Variants in ARHGAP8 observed in about 807,000 individuals in gnomAD.
The protein encoded by ARHGAP8 is Rho GTPase activating protein 8.
In ARHGAP8, 62 loss-of-function variants were observed where a neutral mutation model predicts 46.1. That is an observed-to-expected ratio of 1.34 (90% confidence interval 1.10 to 1.66). The LOEUF (loss-of-function observed/expected upper bound fraction) is 1.66. Among genes scored for constraint, ARHGAP8 ranks in the 40% most tolerant of loss-of-function variants. The pLI, the probability that ARHGAP8 is intolerant of heterozygous loss-of-function variation, is 0.00. For synonymous variants in ARHGAP8, 375 were observed against 243.1 expected, an observed-to-expected ratio of 1.54 and a Z score of -5.05; for missense variants, 923 against 568.4, an observed-to-expected ratio of 1.62 and a Z score of -6.34.
chr22:44,852,561 T>A (rs2070123943), intron 10 of ARHGAP8, among the ~76,000 whole-genome samples: 1 of 152,046 alleles, frequency 6.6e-6, no homozygotes, highest in Admixed American at 6.6e-5. Flanking sequence ...CCCCAGGAAG[T>A]TTTACAGTCC....
rs139249726 is a variant in ARHGAP8, at chr22:44,852,629, C to G, written c.877+3569C>G. Among the ~76,000 whole-genome samples, 68 of 152,258 alleles carry G rather than the reference C, an allele frequency of 4.5e-4. No individual in the cohort carries two copies. The East Asian group carries it at 8.7e-3, about 19-fold the overall frequency. ...ATGAATCCTTCTCTCAGTGCTGTGA[C>G]TAGGTCACTCCAGGGAAAGAGTTGT... is the stretch of plus-strand genomic sequence containing the variant. On this transcript the variant is annotated intron_variant, in intron 10 of 11. Transcript: ENST00000356099.
chr22:44,806,293 G>C (rs1377451169), intron 3 of ARHGAP8, among the ~76,000 whole-genome samples: 1 of 152,196 alleles, frequency 6.6e-6, no homozygotes, highest in East Asian at 1.9e-4. Context: ...CATGGTGTTC[G>C]AGACAGCACT....
At chr22:44,861,800 T>G (rs557250663) in intron 11 of ARHGAP8, among the ~76,000 whole-genome samples, 1 of 152,254 alleles carries the variant, frequency 6.6e-6, no homozygotes, top group Non-Finnish European at 1.5e-5. Flanking sequence ...GTTGCACGTG[T>G]TGGCGGAGAT....
In ARHGAP8 at chr22:44,862,498, C is replaced by T; in HGVS notation, c.1205C>T (p.Ala402Val). The change falls in exon 12 of 12, where the codon GCC becomes GTC. Residue 402 changes from alanine (A) to valine (V), a missense_variant. By Grantham distance (64) the Ala-to-Val change is moderately conservative. Transcript: ENST00000356099. ...LAPWEQGSRA[A>V]PLQEAVPRTQ... ...CCATGGGAACAGGGGAGCAGGGCAG[C>T]CCCTTTGCAGGAGGCTGTGCCACGG... is the stretch of plus-strand genomic sequence containing the variant. 2 of 1,613,620 alleles carry T rather than the reference C, an allele frequency of 1.2e-6. No homozygotes were observed. Among genetic ancestry groups the T allele is most frequent in the Non-Finnish European group, 1.7e-6 (2 of 1,179,648 alleles).
At chr22:44,860,169 C>A (rs62232227) in intron 11 of ARHGAP8, among the ~76,000 whole-genome samples, 2 of 145,762 alleles carry the variant, frequency 1.4e-5, no homozygotes, top group African/African-American at 4.9e-5. Flanking sequence ...GGAGCTGTGT[C>A]CACCACTGGT....
At chr22:44,823,146 C>T (rs1326890287) in intron 6 of ARHGAP8, among the ~76,000 whole-genome samples, 1 of 152,192 alleles carries the variant, frequency 6.6e-6, no homozygotes, top group African/African-American at 2.4e-5. Context: ...AATAACTTCT[C>T]TCCGGACGCC....
intron 1 of ARHGAP8, among the ~76,000 whole-genome samples, chr22:44,776,943 T>C (rs2065677953): frequency 6.6e-6 from 1 of 152,060 alleles, no homozygotes; most frequent in Non-Finnish European, 1.5e-5. Context: ...TCTATGCAGC[T>C]TGGGACATGT....
intron 10 of ARHGAP8, among the ~76,000 whole-genome samples, chr22:44,852,494 G>A (rs569209620): frequency 6.6e-6 from 1 of 152,070 alleles, no homozygotes; most frequent in Admixed American, 6.6e-5. Flanking sequence ...GCATGCCCAG[G>A]CTCCATATTT....
At chr22:44,802,194 C>T in intron 3 of ARHGAP8, 30 bp downstream of exon 3, 1 of 1,612,262 alleles carries the variant, frequency 6.2e-7, no homozygotes, top group Non-Finnish European at 8.5e-7. Context: ...TCTTTCTGTC[C>T]CTGTCTCTCC....
intron 2 of ARHGAP8, among the ~76,000 whole-genome samples, chr22:44,788,221 T>C (rs1342495799): frequency 2.0e-5 from 3 of 151,940 alleles, no homozygotes; most frequent in African/African-American, 7.2e-5. Flanking sequence ...CGTGTTCAAG[T>C]GATTCTCCTG....
At chr22:44,841,906 A>G (rs1006283951) in intron 7 of ARHGAP8, among the ~76,000 whole-genome samples, 13 of 152,204 alleles carry the variant, frequency 8.5e-5, no homozygotes, top group African/African-American at 1.7e-4. Flanking sequence ...ACAGAGAGGA[A>G]GGGGACGCTT....
At chr22:44,862,113 G>A (rs564634968) in intron 11 of ARHGAP8, among the ~76,000 whole-genome samples, 162 bp from the exon 12 acceptor site, 1 of 152,332 alleles carries the variant, frequency 6.6e-6, no homozygotes, top group African/African-American at 2.4e-5. Context: ...CTAAGGCCCT[G>A]AGTGGGCAGG....
At chr22:44,763,830 T>C (rs1255854515) in intron 1 of ARHGAP8, among the ~76,000 whole-genome samples, 1 of 140,472 alleles carries the variant, frequency 7.1e-6, no homozygotes, top group Non-Finnish European at 1.5e-5. Flanking sequence ...AGACGGAGTC[T>C]CAAAAAAAGT....
intron 1 of ARHGAP8, among the ~76,000 whole-genome samples, chr22:44,779,788 C>G (rs954727200): frequency 6.6e-6 from 1 of 151,960 alleles, no homozygotes; most frequent in Non-Finnish European, 1.5e-5. Flanking sequence ...AGGCTGGTCT[C>G]GAACTCCTGA....
chr22:44,859,946 G>A (rs2070386803), intron 11 of ARHGAP8, 112 bp downstream of exon 11: 7 of 1,294,230 alleles, frequency 5.4e-6, no homozygotes, highest in Non-Finnish European at 7.4e-6. Flanking sequence ...TGCCCTGCTT[G>A]GGCCTCGGAA....
At chr22:44,835,036 A>G (rs1025249149) in intron 7 of ARHGAP8, among the ~76,000 whole-genome samples, 29 of 152,092 alleles carry the variant, frequency 1.9e-4, no homozygotes, top group Non-Finnish European at 3.4e-4. Flanking sequence ...TAATTAGGTC[A>G]TGTTTTTCCC....
intron 8 of ARHGAP8, among the ~76,000 whole-genome samples, chr22:44,845,664 C>G (rs2069936291): frequency 6.6e-6 from 1 of 152,198 alleles, no homozygotes; most frequent in South Asian, 2.1e-4. Context: ...GCCTGCAAAG[C>G]ACTTCGGGCA....
intron 5 of ARHGAP8, among the ~76,000 whole-genome samples, chr22:44,820,650 G>A (rs1036612953): frequency 6.6e-6 from 1 of 152,172 alleles, no homozygotes; most frequent in Non-Finnish European, 1.5e-5. Context: ...TTGGGGTGAG[G>A]GGCACACTGC....
chr22:44,786,389 CAGG>C, intron 1 of ARHGAP8, 65 bp from the exon 2 acceptor site: 1 of 1,522,720 alleles, frequency 6.6e-7, no homozygotes, highest in Non-Finnish European at 8.8e-7. Context: ...TGAAAGGCAT[CAGG>C]AGGCTCCCTC....
Sources: gnomAD v4.1 joint callset for allele counts (sites outside exome capture counted in the v4.1 genomes callset) on GRCh38, gnomAD v4.1.1 for gene constraint, MANE v1.5 for transcripts, NCBI Gene and HGNC (gene_info 2026-07-23, HGNC 2026-07-21) for gene names.